The following PTPRM variants were observed in gnomAD, a reference collection of about 807,000 sequenced individuals.
The protein encoded by PTPRM is receptor-type tyrosine-protein phosphatase mu.
PTPRM carries 47 observed loss-of-function variants against 186.7 expected under a neutral mutation model. The observed-to-expected ratio is 0.25, with a 90% confidence interval of 0.20 to 0.32. PTPRM has a LOEUF of 0.32. PTPRM is among the 10% of genes least tolerant of loss of function. PTPRM has a pLI of 1.00. For missense variants in PTPRM, 1,494 were observed against 1,865.0 expected (o/e 0.80, Z 3.66); for synonymous variants, 668 against 674.9 (o/e 0.99, Z 0.16).
At chr18:7,702,446 G>T (rs893071317) in intron 1 of PTPRM, among the ~76,000 whole-genome samples, 2 of 152,194 alleles carry the variant, frequency 1.3e-5, no homozygotes, top group African/African-American at 2.4e-5. Context: ...GACCAGTGAT[G>T]ATGAGGGTTT....
intron 14 of PTPRM, among the ~76,000 whole-genome samples, chr18:8,222,962 C>T (rs1486770173): frequency 2.0e-5 from 3 of 152,116 alleles, no homozygotes; most frequent in Non-Finnish European, 4.4e-5. Context: ...GTGGCTCACA[C>T]CTATAATCCC....
At chr18:8,271,947 C>T (rs962863165) in intron 19 of PTPRM, among the ~76,000 whole-genome samples, 1 of 152,110 alleles carries the variant, frequency 6.6e-6, no homozygotes, top group Non-Finnish European at 1.5e-5. Context: ...CGCAGTGGCT[C>T]ACGCCTGTAA....
At chr18:7,858,707 CTT>C (rs1247502150) in intron 2 of PTPRM, among the ~76,000 whole-genome samples, 1 of 152,164 alleles carries the variant, frequency 6.6e-6, no homozygotes, top group Non-Finnish European at 1.5e-5. Context: ...GGAGAGAAGT[CTT>C]GAAATAATAA....
chr18:7,841,530 G>A (rs368249865), intron 2 of PTPRM, among the ~76,000 whole-genome samples: 18 of 151,972 alleles, frequency 1.2e-4, no homozygotes, highest in African/African-American at 4.1e-4. Context: ...TCCTGACTTC[G>A]TGATCCACCC....
At chr18:8,149,894 C>T (rs895662809) in intron 14 of PTPRM, among the ~76,000 whole-genome samples, 2 of 152,126 alleles carry the variant, frequency 1.3e-5, no homozygotes, top group Non-Finnish European at 2.9e-5. Flanking sequence ...TTTTATTTCT[C>T]CTTCACTATG....
At chr18:8,385,489 G>A (rs536848935) in intron 30 of PTPRM, among the ~76,000 whole-genome samples, 2 of 152,150 alleles carry the variant, frequency 1.3e-5, no homozygotes, top group African/African-American at 2.4e-5. Flanking sequence ...AGGGAGCACC[G>A]AGGCTCTCTG....
chr18:7,866,295 A>G (rs919302186), intron 2 of PTPRM, among the ~76,000 whole-genome samples: 2 of 151,954 alleles, frequency 1.3e-5, no homozygotes, highest in African/African-American at 2.4e-5. Context: ...TCCACTTTGG[A>G]TCTTTCCTGC....
rs770118108 is a variant in PTPRM at position 8,380,395 on chromosome 18, G to A, written c.3886G>A (p.Val1296Ile). 22 of 1,614,052 alleles carry A rather than the reference G, an allele frequency of 1.4e-5. No homozygotes were observed. Among genetic ancestry groups the A allele is most frequent in the East Asian group, 1.3e-4 (6 of 44,896 alleles). ...RLVLDYHCTS[V>I]VMLNDVDPAQ... ...GGTCCTGGATTATCACTGCACATCC[G>A]TAGTTATGCTAAATGATGTGGATCC... Residue 1296 changes from valine (V) to isoleucine (I), a missense_variant, in exon 29 of 33, where the codon GTA (valine) becomes ATA (isoleucine). By Grantham distance (29) the Val-to-Ile change is conservative. This residue lies in a region of PTPRM where 1,107 missense variants were observed against 1,350.2 expected (regional missense o/e 0.82). Transcript: ENST00000580170.
chr18:7,730,784 T>C (rs559851961), intron 1 of PTPRM, among the ~76,000 whole-genome samples: 19 of 152,278 alleles, frequency 1.2e-4, no homozygotes, highest in African/African-American at 4.6e-4. Context: ...ATACTGCAGA[T>C]TTGTTGAGAC....
At chr18:7,694,165 G>A (rs16952377) in intron 1 of PTPRM, among the ~76,000 whole-genome samples, 2,858 of 152,222 alleles carry the variant, frequency 0.019, 83 homozygotes, top group East Asian at 0.1. Flanking sequence ...TTTCTGTTAC[G>A]TTTCCCTTGT....
At chr18:7,683,202 G>A (rs1251793974) in intron 1 of PTPRM, among the ~76,000 whole-genome samples, 1 of 133,840 alleles carries the variant, frequency 7.5e-6, no homozygotes, top group Non-Finnish European at 1.5e-5. Context: ...GTCTTGCTCT[G>A]TCGCCTAGAC....
chr18:8,125,696 T>C (rs1195956862), intron 13 of PTPRM, among the ~76,000 whole-genome samples: 2 of 151,840 alleles, frequency 1.3e-5, no homozygotes, highest in South Asian at 2.1e-4. Flanking sequence ...GAAGGTTCTG[T>C]CTACCTCAGA....
At chr18:8,223,355 G>T (rs1426179003) in intron 14 of PTPRM, among the ~76,000 whole-genome samples, 1 of 152,166 alleles carries the variant, frequency 6.6e-6, no homozygotes, top group Non-Finnish European at 1.5e-5. Context: ...AAATGTTAAG[G>T]AAACATCAAG....
intron 2 of PTPRM, among the ~76,000 whole-genome samples, chr18:7,851,960 A>G (rs910137362): frequency 2.0e-5 from 3 of 152,210 alleles, no homozygotes; most frequent in Non-Finnish European, 4.4e-5. Flanking sequence ...GTACAAACTG[A>G]TATTGAACTT....
At chr18:7,871,962 TAAAG>T (rs2146191936) in intron 2 of PTPRM, among the ~76,000 whole-genome samples, 1 of 152,316 alleles carries the variant, frequency 6.6e-6, no homozygotes, top group African/African-American at 2.4e-5. Flanking sequence ...AAGAAAAAAT[TAAAG>T]AAAAAGTGTT....
At chr18:7,669,599 A>G (rs764528658) in intron 1 of PTPRM, among the ~76,000 whole-genome samples, 1 of 152,220 alleles carries the variant, frequency 6.6e-6, no homozygotes, top group Non-Finnish European at 1.5e-5. Context: ...AATGTCAGGG[A>G]TAAGGCTAAA....
chr18:8,377,378 A>G (rs1261123609), intron 26 of PTPRM: 2 of 152,210 alleles, frequency 1.3e-5, no homozygotes, highest in African/African-American at 4.8e-5. Context: ...TGCTGCTTTC[A>G]TGGGTTCTTT....
At chr18:7,710,521 A>G (rs2040189670) in intron 1 of PTPRM, among the ~76,000 whole-genome samples, 1 of 152,180 alleles carries the variant, frequency 6.6e-6, no homozygotes, top group South Asian at 2.1e-4. Flanking sequence ...CTCCTATTCA[A>G]CACAGTAATG....
At chr18:8,217,350 A>G (rs1241818192) in intron 14 of PTPRM, among the ~76,000 whole-genome samples, 1 of 152,210 alleles carries the variant, frequency 6.6e-6, no homozygotes, top group East Asian at 1.9e-4. Context: ...CCTGGGGTCT[A>G]GGCATTTCTT....
Sources: allele counts gnomAD v4.1 joint callset (sites outside exome capture counted in the v4.1 genomes callset), GRCh38; gene constraint gnomAD v4.1.1; regional missense constraint gnomAD v4.1.1; transcripts MANE v1.5; gene names NCBI Gene and HGNC (gene_info 2026-07-23, HGNC 2026-07-21).